Variants in ANAPC4 observed in about 807,000 individuals in gnomAD.
ANAPC4 encodes anaphase-promoting complex subunit 4.
A neutral mutation model predicts 119.8 loss-of-function variants in ANAPC4; 63 were observed. The ratio of observed to expected loss-of-function variants is 0.53; its 90% CI spans 0.43 to 0.65. The LOEUF (loss-of-function observed/expected upper bound fraction) is 0.65, where lower values mean the gene tolerates loss of function less well. Among genes scored for constraint, ANAPC4 ranks in the 30% least tolerant of loss-of-function variants. The probability of loss-of-function intolerance (pLI) is 0.00; values close to 1 mark genes in which losing one functional copy is unlikely to be tolerated. For missense variants in ANAPC4, 716 were observed against 945.1 expected (o/e 0.76, Z 3.18); for synonymous variants, 283 against 318.6 (o/e 0.89, Z 1.19).
At position 25,414,394 on chromosome 4, in the gene ANAPC4, G is replaced by C. The variant is rs761644937; in HGVS notation, c.1685+9G>C. The stretch of plus-strand genomic sequence containing the variant: ...TATAGAGATACCAGAAGGTAATTCT[G>C]TTTACCTATTGGATGGTGTAATTCC... On this transcript the variant is annotated intron_variant, in intron 23 of 28. Transcript: ENST00000315368. 2 of 1,602,204 alleles carry C rather than the reference G, an allele frequency of 1.2e-6. No individual in the cohort carries two copies. The highest frequency in any genetic ancestry group is 1.7e-6 in the Non-Finnish European group (2 of 1,172,408).
chr4:25,405,743 C>A lies in ANAPC4; in HGVS notation c.1317+124C>A. Reference sequence around the variant, plus strand: ...GGATGTCAGGATGTAGACGTTAGATCCCTTAAGCACCACCTTTTTAAAAAA... The same window carrying A: ...GGATGTCAGGATGTAGACGTTAGATACCTTAAGCACCACCTTTTTAAAAAA... On this transcript the variant is annotated intron_variant, in intron 18 of 28. Coordinates refer to ENST00000315368, the MANE Select transcript of ANAPC4 (RefSeq NM_013367.3). The surrounding 1 kb of genome is among the most constrained non-coding windows in gnomAD (Gnocchi z 4.6). The A allele has an allele frequency of 1.3e-6, 1 of 792,940 alleles. No individual in the cohort carries two copies. The highest frequency in any genetic ancestry group is 2.0e-6 in the Non-Finnish European group (1 of 492,874). 49.1% of individuals were successfully genotyped at this position (792,940 alleles called of 1,614,324 possible).
chr4:25,392,454 T>A (rs1432046277), intron 10 of ANAPC4, 33 bp downstream of exon 10: 2 of 1,548,762 alleles, frequency 1.3e-6, no homozygotes, highest in Admixed American at 1.7e-5. Context: ...ATGTGAATAT[T>A]TATTATCGGC....
chr4:25,413,125 T>TTAA (rs1553905895), intron 21 of ANAPC4: 2 of 150,378 alleles, frequency 1.3e-5, no homozygotes, highest in African/African-American at 4.9e-5. Context: ...TTGTAAGCAA[T>TTAA]AAAAAAAAAG....
In ANAPC4 at chr4:25,386,242, T is replaced by C. The variant is rs573447443; in HGVS notation, c.369-2258T>C. Among the ~76,000 whole-genome samples the C allele has an allele frequency of 5.9e-5, 9 of 152,078 alleles. No individual in the cohort carries two copies. In the South Asian group the frequency reaches 1.7e-3, roughly 28 times the overall value. On this transcript the variant is annotated intron_variant, in intron 4 of 28. Coordinates refer to ENST00000315368, the MANE Select transcript of ANAPC4 (RefSeq NM_013367.3). ...TTATTTATTTTTTGAGACACAGTTATCATTCTGTCACCCAGGCCAGAGTGC... is the reference window on the plus strand; with the variant it reads ...TTATTTATTTTTTGAGACACAGTTACCATTCTGTCACCCAGGCCAGAGTGC...
intron 16 of ANAPC4, among the ~76,000 whole-genome samples, chr4:25,398,190 AT>A (rs1722762395): frequency 6.6e-6 from 1 of 151,416 alleles, no homozygotes; most frequent in Admixed American, 6.6e-5. Flanking sequence ...TGTCTTTTTG[AT>A]TTTCTGAGAG....
Position 25,390,105 on chromosome 4 carries a change from G to T in ANAPC4, c.516-31G>T, listed in dbSNP as rs1465339877. The stretch of plus-strand genomic sequence containing the variant: ...ATGCAATCATCTGTGTTGTTGATTG[G>T]TTCTCAGCTTGTTGCATTGTTTTTA... On this transcript the variant is annotated intron_variant, in intron 7 of 28. Transcript: ENST00000315368. 6.9e-6 allele frequency: 10 copies of T among 1,453,770 alleles called. No individual in the cohort carries two copies. In the East Asian group the frequency reaches 9.1e-5, roughly 13 times the overall value. 90.1% of individuals were successfully genotyped at this position (1,453,770 alleles called of 1,614,324 possible).
At chr4:25,410,457 T>C (rs1387364690) in intron 21 of ANAPC4, among the ~76,000 whole-genome samples, 4 of 152,186 alleles carry the variant, frequency 2.6e-5, no homozygotes. Flanking sequence ...TAGTCTGCCA[T>C]ATACACACAA....
chr4:25,411,006 AAT>A (rs1723529321), intron 21 of ANAPC4, among the ~76,000 whole-genome samples: 1 of 91,074 alleles, frequency 1.1e-5, no homozygotes, highest in South Asian at 2.7e-4. Context: ...TCTGTGAATG[AAT>A]GAATGAATGA....
intron 2 of ANAPC4, among the ~76,000 whole-genome samples, chr4:25,378,243 G>A (rs1721517207): frequency 6.6e-6 from 1 of 152,164 alleles, no homozygotes; most frequent in South Asian, 2.1e-4. Context: ...TTACCTGCCA[G>A]CCATTTTGTA....
chr4:25,404,483 C>T (rs1263188631), intron 17 of ANAPC4, among the ~76,000 whole-genome samples: 1 of 152,092 alleles, frequency 6.6e-6, no homozygotes, highest in Admixed American at 6.5e-5. Context: ...ATTGTCCTTA[C>T]TACACATTCT....
rs1260646143 is a variant in ANAPC4 at position 25,407,245 on chromosome 4, G to C, written c.1423G>C (p.Val475Leu). ...RKGKYFNVER[V>L]GQYLKDEDDD... ...AGGAAAATACTTTAACGTTGAAAGA[G>C]TTGGTCAGGTATGGGCTTTGAACTC... Residue 475 changes from valine to leucine, a missense_variant, in exon 20 of 29, where the codon GTT becomes CTT. This residue lies in a region of ANAPC4 where 504 missense variants were observed against 615.8 expected (regional missense o/e 0.82). Coordinates refer to ENST00000315368, the MANE Select transcript of ANAPC4 (RefSeq NM_013367.3). 20 of 1,608,344 alleles carry C rather than the reference G, an allele frequency of 1.2e-5. No homozygotes were observed. The highest frequency in any genetic ancestry group is 1.4e-5 in the Non-Finnish European group (17 of 1,178,094).
At chr4:25,390,877 A>C in intron 8 of ANAPC4, 34 bp from the exon 9 acceptor site, 1 of 1,522,618 alleles carries the variant, frequency 6.6e-7, no homozygotes, top group Non-Finnish European at 9.1e-7. Context: ...TAGCAGTGAT[A>C]CTAAATATAC....
intron 14 of ANAPC4, among the ~76,000 whole-genome samples, chr4:25,396,460 T>G (rs1440883546): frequency 1.3e-5 from 2 of 152,246 alleles, no homozygotes; most frequent in East Asian, 3.8e-4. Context: ...AAATTTGATC[T>G]TGTCATTTGT....
At chr4:25,384,003 T>C (rs937417806) in intron 4 of ANAPC4, among the ~76,000 whole-genome samples, 10 of 152,364 alleles carry the variant, frequency 6.6e-5, no homozygotes, top group African/African-American at 2.4e-4. Context: ...TGCTATTTGA[T>C]AGCATTTTAC....
rs1233968815 is a variant in ANAPC4 at position 25,418,248 on chromosome 4, A to G, written c.2293A>G (p.Ser765Gly). The change falls in exon 29 of 29, where the codon AGT (serine) becomes GGT (glycine). Residue 765 changes from serine to glycine, a missense_variant. Ser to Gly is a moderately conservative substitution (Grantham distance 56). Around this residue, in one of 3 missense-constraint regions of ANAPC4, gnomAD observed 504 missense variants for 615.8 expected, o/e 0.82. Coordinates refer to ENST00000315368, the MANE Select transcript of ANAPC4 (RefSeq NM_013367.3). ...DESSDEEEEA[S>G]NKPVKIKEEV... ...GTCTTCAGATGAAGAGGAGGAGGCC[A>G]GTAATAAGCCTGTAAAAATAAAGGA... 1 of 1,614,026 alleles carries G rather than the reference A, an allele frequency of 6.2e-7. No individual in the cohort carries two copies. Among genetic ancestry groups the G allele is most frequent in the Non-Finnish European group, 8.5e-7 (1 of 1,179,996 alleles).
chr4:25,381,328 G>A (rs1411875374), intron 3 of ANAPC4, among the ~76,000 whole-genome samples: 2 of 151,710 alleles, frequency 1.3e-5, no homozygotes, highest in Admixed American at 1.3e-4. Flanking sequence ...CACTCTTGTC[G>A]CCCAGGCTGG....
At chr4:25,399,775 C>T (rs1459448517) in intron 16 of ANAPC4, among the ~76,000 whole-genome samples, 5 of 152,258 alleles carry the variant, frequency 3.3e-5, no homozygotes, top group African/African-American at 1.2e-4. Flanking sequence ...GCCATCAGCA[C>T]ATTGGTGTTA....
intron 10 of ANAPC4, 22 bp downstream of exon 10, chr4:25,392,443 T>C: frequency 1.9e-6 from 3 of 1,564,254 alleles, no homozygotes; most frequent in Non-Finnish European, 2.6e-6. Flanking sequence ...GAGCTTGTTT[T>C]ATGTGAATAT....
At chr4:25,396,139 G>T (rs533360850) in intron 14 of ANAPC4, among the ~76,000 whole-genome samples, 2 of 152,238 alleles carry the variant, frequency 1.3e-5, no homozygotes, top group South Asian at 2.1e-4. Context: ...CTGAATCCCA[G>T]ATTAGCTCAG....
Sources: gnomAD v4.1 joint callset for allele counts (sites outside exome capture counted in the v4.1 genomes callset) on GRCh38, gnomAD v4.1.1 for gene constraint, gnomAD v4.1.1 regional missense constraint, Gnocchi (gnomAD v3.1) non-coding constraint, MANE v1.5 for transcripts, NCBI Gene and HGNC (gene_info 2026-07-23, HGNC 2026-07-21) for gene names.